Variants in KALRN observed in about 807,000 individuals in gnomAD.
The protein encoded by KALRN is kalirin RhoGEF kinase.
In KALRN, 70 loss-of-function variants were observed where a neutral mutation model predicts 353.7. The observed-to-expected ratio is 0.20, with a 90% CI of 0.16 to 0.24. The LOEUF is 0.24. Among genes scored for constraint, KALRN ranks in the 10% least tolerant of loss-of-function variants. KALRN has a pLI of 1.00. For missense variants in KALRN, 2,791 were observed against 3,756.7 expected (o/e 0.74, Z 6.72); for synonymous variants, 1,391 against 1,434.8 (o/e 0.97, Z 0.69).
intron 10 of KALRN, among the ~76,000 whole-genome samples, chr3:124,378,892 GT>G (rs1439965242): frequency 6.6e-6 from 1 of 150,916 alleles, no homozygotes; most frequent in Non-Finnish European, 1.5e-5. Context: ...ATGTTCCTTG[GT>G]GTAGTTTTCT....
chr3:124,519,976 GCGT>G, intron 33 of KALRN: 1 of 634,410 alleles, frequency 1.6e-6, no homozygotes, highest in Non-Finnish European at 2.0e-6. Context: ...GATGCAATGA[GCGT>G]GTGTCCGGCA....
At chr3:124,626,104 A>G (rs1213642255) in intron 34 of KALRN, among the ~76,000 whole-genome samples, 1 of 152,176 alleles carries the variant, frequency 6.6e-6, no homozygotes. Flanking sequence ...ATTAACATGA[A>G]TGAACTAGAT....
At chr3:124,404,412 A>G (rs1251388623) in intron 13 of KALRN, among the ~76,000 whole-genome samples, 2 of 151,786 alleles carry the variant, frequency 1.3e-5, no homozygotes, top group Non-Finnish European at 2.9e-5. Context: ...TGTCTTGGTC[A>G]CTGTCTGCTG....
At chr3:124,304,123 T>C (rs1458067840) in intron 6 of KALRN, among the ~76,000 whole-genome samples, 1 of 75,716 alleles carries the variant, frequency 1.3e-5, no homozygotes, top group Admixed American at 2.0e-4. Context: ...TAGATTTTGT[T>C]GTAAACACAC....
chr3:124,543,054 C>T lies in KALRN; in HGVS notation c.4936-19789C>T, dbSNP rs1001233991. 7.9e-5 allele frequency among the ~76,000 whole-genome samples: 12 copies of T among 152,228 alleles called. 1 individual carries two copies. The highest frequency in any genetic ancestry group is 2.6e-4 in the Admixed American group (4 of 15,286). ...GGCCTCAGTTTCTCACCTTGCGGAC[C>T]TCTCTCTAGGGCTGCTTAAATGTCC... On this transcript the variant is annotated intron_variant, in intron 33 of 59. Coordinates refer to ENST00000682506, the MANE Select transcript of KALRN (RefSeq NM_001388419.1).
intron 18 of KALRN, among the ~76,000 whole-genome samples, chr3:124,440,528 G>A (rs985788947): frequency 3.3e-5 from 5 of 151,826 alleles, no homozygotes; most frequent in African/African-American, 4.8e-5. Context: ...ACCAGCAGGC[G>A]TTTGTGTACC....
At chr3:124,574,816 C>G (rs757062455) in intron 34 of KALRN, among the ~76,000 whole-genome samples, 8 of 152,218 alleles carry the variant, frequency 5.3e-5, no homozygotes, top group Non-Finnish European at 1.0e-4. Context: ...ATGTGCCCAT[C>G]CTGTCTGCTC....
intron 9 of KALRN, among the ~76,000 whole-genome samples, chr3:124,342,116 C>T (rs540468757): frequency 7.9e-5 from 12 of 151,676 alleles, no homozygotes; most frequent in African/African-American, 2.4e-4. Flanking sequence ...TTTGAGAATT[C>T]GTGGGTTAAT....
At chr3:124,251,239 C>T (rs759371960) in intron 3 of KALRN, among the ~76,000 whole-genome samples, 9 of 152,046 alleles carry the variant, frequency 5.9e-5, no homozygotes, top group Non-Finnish European at 1.3e-4. Flanking sequence ...TGGAAGACTG[C>T]GTGCATTTGC....
intron 10 of KALRN, among the ~76,000 whole-genome samples, chr3:124,357,993 A>C (rs894731246): frequency 6.6e-6 from 1 of 152,298 alleles, no homozygotes; most frequent in Admixed American, 6.5e-5. Flanking sequence ...ATGAATATTT[A>C]TAAGAACACA....
rs115334420 is a variant in KALRN at position 124,523,596 on chromosome 3, A to T, written c.4935+27183A>T. Among the ~76,000 whole-genome samples the T allele has an allele frequency of 8.2e-3, 1,256 of 152,372 alleles. 21 individuals are homozygous for T. The highest frequency in any genetic ancestry group is 0.031 in the Middle Eastern group (9 of 294). On this transcript the variant is annotated intron_variant, in intron 33 of 59. Transcript: ENST00000682506. Reference sequence around the variant, plus strand: ...TTCATTCCATTAGTAGAGATAATTGAAAGTTTTCTGTTTCACGAAAGTACC... The same window carrying T: ...TTCATTCCATTAGTAGAGATAATTGTAAGTTTTCTGTTTCACGAAAGTACC...
intron 13 of KALRN, among the ~76,000 whole-genome samples, chr3:124,408,731 G>C (rs2150208257): frequency 6.7e-6 from 1 of 150,216 alleles, no homozygotes; most frequent in South Asian, 2.1e-4. Flanking sequence ...AAAAAAGGGA[G>C]GGGCAGGTGA....
chr3:124,625,529 C>T (rs554295152), intron 34 of KALRN, among the ~76,000 whole-genome samples: 9 of 151,500 alleles, frequency 5.9e-5, no homozygotes, highest in African/African-American at 1.7e-4. Flanking sequence ...GAAACCAGCC[C>T]GGACAACATC....
intron 34 of KALRN, among the ~76,000 whole-genome samples, chr3:124,628,863 T>C (rs1279553475): frequency 1.0e-4 from 15 of 143,594 alleles, no homozygotes; most frequent in Non-Finnish European, 9.2e-5. Context: ...ATGCTGGGAT[T>C]ACATGCATGA....
intron 3 of KALRN, among the ~76,000 whole-genome samples, chr3:124,240,788 C>T (rs1195994927): frequency 6.6e-6 from 1 of 152,092 alleles, no homozygotes; most frequent in Non-Finnish European, 1.5e-5. Flanking sequence ...TTTGGGCATG[C>T]TAGTCACCAT....
At chr3:124,714,597 A>G (rs527577146) in intron 58 of KALRN, among the ~76,000 whole-genome samples, 1 of 152,314 alleles carries the variant, frequency 6.6e-6, no homozygotes, top group African/African-American at 2.4e-5. Context: ...CAGTGGGTTG[A>G]ACTAGTTTAG....
chr3:124,093,067 C>T (rs764766714), intron 1 of KALRN, among the ~76,000 whole-genome samples: 23 of 152,136 alleles, frequency 1.5e-4, no homozygotes, highest in Admixed American at 3.3e-4. Context: ...CCAATGCTGC[C>T]GTTTAAGAAG....
At chr3:124,231,472 C>T (rs1220510848) in intron 2 of KALRN, among the ~76,000 whole-genome samples, 6 of 152,148 alleles carry the variant, frequency 3.9e-5, no homozygotes, top group East Asian at 3.9e-4. Context: ...TGGTTTCCAC[C>T]GTTCCCAGGG....
chr3:124,674,028 CT>C (rs889921115), intron 48 of KALRN, among the ~76,000 whole-genome samples: 12 of 152,168 alleles, frequency 7.9e-5, no homozygotes, highest in African/African-American at 2.9e-4. Flanking sequence ...TTACATACCC[CT>C]ATGCCAGTGC....
Sources: allele counts gnomAD v4.1 joint callset (sites outside exome capture counted in the v4.1 genomes callset), GRCh38; gene constraint gnomAD v4.1.1; transcripts MANE v1.5; gene names NCBI Gene and HGNC (gene_info 2026-07-23, HGNC 2026-07-21).